ALG14: variants seen among roughly 807,000 people sequenced by gnomAD.
ALG14 encodes the protein ALG14 UDP-N-acetylglucosaminyltransferase subunit, also known as UDP-N-acetylglucosamine transferase subunit ALG14.
In ALG14, 17 loss-of-function variants were observed where a neutral mutation model predicts 22.8. The ratio of observed to expected loss-of-function variants is 0.75; its 90% confidence interval spans 0.51 to 1.12. The LOEUF is 1.12. Ranked by LOEUF, ALG14 falls within the 50% of genes most tolerant of loss-of-function variation. The pLI, the probability that ALG14 is intolerant of heterozygous loss-of-function variation, is 0.00. For missense variants in ALG14, 288 were observed against 271.8 expected (o/e 1.06, Z -0.42); for synonymous variants, 89 against 103.7 (o/e 0.86, Z 0.86).
At chr1:95,030,425 G>C (rs868726985) in intron 2 of ALG14, among the ~76,000 whole-genome samples, 17 of 151,970 alleles carry the variant, frequency 1.1e-4, no homozygotes, top group Admixed American at 1.0e-3. Flanking sequence ...TTATTATTGT[G>C]ATAAAAATAA....
chr1:95,009,142 CTT>C, intron 3 of ALG14, among the ~76,000 whole-genome samples: 1 of 151,992 alleles, frequency 6.6e-6, no homozygotes, highest in Middle Eastern at 3.4e-3. Context: ...TGAGTCTCTG[CTT>C]TCAGTTCTTT....
At chr1:95,066,283 G>T (rs944698634) in intron 1 of ALG14, among the ~76,000 whole-genome samples, 1 of 152,044 alleles carries the variant, frequency 6.6e-6, no homozygotes, top group African/African-American at 2.4e-5. Flanking sequence ...GAATACAATT[G>T]TGTGATCTCG....
intron 3 of ALG14, among the ~76,000 whole-genome samples, chr1:94,992,526 C>A (rs894772030): frequency 6.6e-6 from 1 of 151,558 alleles, no homozygotes; most frequent in Non-Finnish European, 1.5e-5. Context: ...TGGACTGACT[C>A]GAAGTTACTG....
At chr1:95,043,663 GAGGGGC>G (rs1557971193) in intron 2 of ALG14, among the ~76,000 whole-genome samples, 2 of 152,134 alleles carry the variant, frequency 1.3e-5, no homozygotes, top group Non-Finnish European at 2.9e-5. Context: ...TCAACACTTG[GAGGGGC>G]CCGCCTGGTC....
intron 2 of ALG14, among the ~76,000 whole-genome samples, chr1:95,049,824 T>C (rs1044350012): frequency 4.6e-5 from 7 of 151,970 alleles, no homozygotes; most frequent in Non-Finnish European, 1.0e-4. Flanking sequence ...TGAGCCATGA[T>C]TGAGCCACTG....
intron 3 of ALG14, among the ~76,000 whole-genome samples, chr1:95,010,566 AT>A (rs1204527353): frequency 6.6e-6 from 1 of 152,252 alleles, no homozygotes; most frequent in Non-Finnish European, 1.5e-5. Context: ...TCTATCAATG[AT>A]AAAGATAAAA....
chr1:95,072,904 G>A lies in ALG14; in HGVS notation c.-6C>T, dbSNP rs138104607. Reference sequence around the variant, plus strand: ...AGAACGAGAACGCACACCATGCAGAGAAACGGCGCATGCGTCCAACTTCCG... The same window carrying A: ...AGAACGAGAACGCACACCATGCAGAAAAACGGCGCATGCGTCCAACTTCCG... On this transcript the variant is annotated 5_prime_UTR_variant, in exon 1 of 4. Transcript: ENST00000370205. The A allele has an allele frequency of 6.2e-7, 1 of 1,613,792 alleles. No individual in the cohort carries two copies. Among genetic ancestry groups the A allele is most frequent in the South Asian group, 1.1e-5 (1 of 91,074 alleles).
intron 2 of ALG14, among the ~76,000 whole-genome samples, chr1:95,060,786 C>T (rs1206208643): frequency 6.6e-6 from 1 of 152,018 alleles, no homozygotes; most frequent in African/African-American, 2.4e-5. Context: ...TAATGTGAAG[C>T]AAACCCAACT....
intron 3 of ALG14, among the ~76,000 whole-genome samples, chr1:94,994,833 A>G (rs892704670): frequency 2.0e-5 from 3 of 152,236 alleles, no homozygotes; most frequent in Non-Finnish European, 4.4e-5. Context: ...TTAACATTTT[A>G]TATAGCTTTA....
chr1:95,046,884 G>C (rs1571650173), intron 2 of ALG14, among the ~76,000 whole-genome samples: 1 of 152,080 alleles, frequency 6.6e-6, no homozygotes. Flanking sequence ...GATAGCTTGA[G>C]CCCAGAAGTT....
chr1:95,067,369 G>C (rs1261348628), intron 1 of ALG14: 1 of 152,216 alleles, frequency 6.6e-6, no homozygotes, highest in Non-Finnish European at 1.5e-5. Context: ...TTTAAAAATT[G>C]CTGTCTTCCC....
At position 94,983,121 on chromosome 1, in the gene ALG14, C is replaced by T. The variant is rs1672539329; in HGVS notation, c.606G>A (p.Leu202=). The part of the protein sequence containing the change: ...SDYFIVQWPA[L]KEKYPKSVYL... ...ACACCGATTTGGGATACTTTTCTTT[C>T]AGAGCCGGCCACTGAACAATGAAGT... The change falls in exon 4 of 4, where the codon CTG becomes CTA. Residue 202 remains leucine, a synonymous_variant. Transcript: ENST00000370205. The T allele has an allele frequency of 6.2e-7, 1 of 1,614,182 alleles. No homozygotes were observed. The highest frequency in any genetic ancestry group is 1.1e-5 in the South Asian group (1 of 91,086).
At chr1:95,044,050 G>T (rs1181257743) in intron 2 of ALG14, among the ~76,000 whole-genome samples, 1 of 152,114 alleles carries the variant, frequency 6.6e-6, no homozygotes, top group Non-Finnish European at 1.5e-5. Context: ...GACATCCCAG[G>T]GTTGGTGATG....
At position 94,976,254 on chromosome 1, in the gene ALG14, G is replaced by A. The variant is rs1481489341; in HGVS notation, c.*6822C>T. The A allele has an allele frequency of 2.6e-5, 4 of 152,070 alleles. No homozygotes were observed. The highest frequency in any genetic ancestry group is 4.8e-5 in the African/African-American group (2 of 41,422). 9.4% of individuals were successfully genotyped at this position (152,070 alleles called of 1,614,324 possible). On this transcript the variant is annotated 3_prime_UTR_variant, in exon 4 of 4. Coordinates refer to ENST00000370205, the MANE Select transcript of ALG14 (RefSeq NM_144988.4). ...TTGCCAGAAAAGGGATAGAGTTTGGGAGATGTGGATTTCCCATATTAAAAA... is the reference window on the plus strand; with the variant it reads ...TTGCCAGAAAAGGGATAGAGTTTGGAAGATGTGGATTTCCCATATTAAAAA...
chr1:94,985,541 C>T (rs1488891966), intron 3 of ALG14, among the ~76,000 whole-genome samples: 2 of 152,170 alleles, frequency 1.3e-5, no homozygotes, highest in African/African-American at 4.8e-5. Context: ...ATAAAAACTA[C>T]AGCTAAAAAA....
At chr1:95,034,462 T>A (rs1674119041) in intron 2 of ALG14, among the ~76,000 whole-genome samples, 1 of 152,240 alleles carries the variant, frequency 6.6e-6, no homozygotes, top group Non-Finnish European at 1.5e-5. Context: ...ACTATCATTA[T>A]AATTTCTAGA....
chr1:95,021,167 A>C (rs964048240), intron 3 of ALG14, among the ~76,000 whole-genome samples: 2 of 152,222 alleles, frequency 1.3e-5, no homozygotes, highest in African/African-American at 4.8e-5. Flanking sequence ...GCCCACCTAA[A>C]GGCTGTAAAT....
chr1:95,044,992 A>G (rs564645408), intron 2 of ALG14, among the ~76,000 whole-genome samples: 2 of 152,262 alleles, frequency 1.3e-5, no homozygotes, highest in African/African-American at 4.8e-5. Context: ...TATTTTTACC[A>G]TATTTAATGT....
intron 2 of ALG14, among the ~76,000 whole-genome samples, chr1:95,051,707 A>G (rs1674755042): frequency 6.6e-6 from 1 of 152,186 alleles, no homozygotes; most frequent in Admixed American, 6.5e-5. Context: ...CTATTTTACA[A>G]ACATGCCAGG....
Sources: allele counts gnomAD v4.1 joint callset (sites outside exome capture counted in the v4.1 genomes callset), GRCh38; gene constraint gnomAD v4.1.1; transcripts MANE v1.5; gene names NCBI Gene and HGNC (gene_info 2026-07-23, HGNC 2026-07-21).